The following ARHGEF11 variants were observed in gnomAD, a reference collection of about 807,000 sequenced individuals.
ARHGEF11 encodes Rho guanine nucleotide exchange factor 11, also known as Rho guanine exchange factor (GEF) 11.
A neutral mutation model predicts 193.7 loss-of-function variants in ARHGEF11; 55 were observed. That is an observed-to-expected ratio of 0.28 (90% CI 0.23 to 0.36). ARHGEF11 has a LOEUF of 0.36. Among genes scored for constraint, ARHGEF11 ranks in the 10% least tolerant of loss-of-function variants. The pLI, the probability that ARHGEF11 is intolerant of heterozygous loss-of-function variation, is 1.00. For missense variants in ARHGEF11, 1,723 were observed against 2,005.6 expected (o/e 0.86, Z 2.69); for synonymous variants, 693 against 768.0 (o/e 0.90, Z 1.62).
chr1:156,939,010 C>T, intron 37 of ARHGEF11: 1 of 183,564 alleles, frequency 5.4e-6, no homozygotes, highest in Non-Finnish European at 1.1e-5. Context: ...ACCCGGGGTG[C>T]CCTCCCTGCC....
intron 7 of ARHGEF11, among the ~76,000 whole-genome samples, chr1:156,974,003 A>T (rs575551370): frequency 6.6e-6 from 1 of 152,208 alleles, no homozygotes; most frequent in South Asian, 2.1e-4. Flanking sequence ...ACAAATTCCA[A>T]GCTCCTCATG....
At chr1:156,981,188 T>C (rs1664122375) in intron 3 of ARHGEF11, among the ~76,000 whole-genome samples, 1 of 150,394 alleles carries the variant, frequency 6.6e-6, no homozygotes, top group Non-Finnish European at 1.5e-5. Context: ...CATGCCACCA[T>C]GCCTGGCTAA....
Position 156,956,481 on chromosome 1 carries a change from T to C in ARHGEF11, c.1610A>G (p.Glu537Gly), listed in dbSNP as rs1659970986. 6.2e-7 allele frequency: 1 copy of C among 1,614,046 alleles called. No homozygotes were observed. The highest frequency in any genetic ancestry group is 1.3e-5 in the African/African-American group (1 of 74,912). The part of the protein sequence containing the change: ...LREARPSNTA[E>G]KAQSAPDKDK... ...CTTGTCAGGAGCAGACTGGGCCTTTTCAGCTGTGTTGGAAGGTCGTGCCTC... is the reference window on the plus strand; with the variant it reads ...CTTGTCAGGAGCAGACTGGGCCTTTCCAGCTGTGTTGGAAGGTCGTGCCTC... The change falls in exon 19 of 41, where the codon GAA becomes GGA. Residue 537 changes from glutamate to glycine, a missense_variant. Transcript: ENST00000368194.
At chr1:156,961,333 T>C (rs1355887076) in intron 14 of ARHGEF11, among the ~76,000 whole-genome samples, 1 of 152,198 alleles carries the variant, frequency 6.6e-6, no homozygotes, top group Non-Finnish European at 1.5e-5. Flanking sequence ...GGTCATCTGA[T>C]GTCTCTAGAC....
chr1:156,936,258 G>A, intron 40 of ARHGEF11, 200 bp from the exon 41 acceptor site: 1 of 757,234 alleles, frequency 1.3e-6, no homozygotes. Flanking sequence ...CTTAGGTCAG[G>A]TAGGTATGTG....
At position 156,971,891 on chromosome 1, in the gene ARHGEF11, A is replaced by C. The variant is rs1343162006; in HGVS notation, c.583-75T>G. 4.7e-6 allele frequency: 7 copies of C among 1,502,248 alleles called. No individual in the cohort carries two copies. In the Admixed American group the frequency reaches 1.3e-4, roughly 27 times the overall value. The allele number at this position is 1,502,248 out of a possible 1,614,324, so 93.1% of individuals were successfully genotyped here. A position where few individuals can be genotyped will look rare whatever the true frequency, so the allele number is the denominator to read the frequency against. ...GTTAATAGAGAATGGATGACTCACC[A>C]GTGGGGAGAATAGGCAGTTATCCCA... On this transcript the variant is annotated intron_variant, in intron 7 of 40. Transcript: ENST00000368194.
intron 12 of ARHGEF11, 73 bp from the exon 13 acceptor site, chr1:156,963,377 G>T: frequency 6.6e-7 from 1 of 1,504,114 alleles, no homozygotes; most frequent in Non-Finnish European, 9.2e-7. Flanking sequence ...TAGCTCCCAT[G>T]TGATTCCCCG....
Position 156,992,084 on chromosome 1 carries a change from G to A in ARHGEF11, c.33-5911C>T, listed in dbSNP as rs183343667. Reference sequence around the variant, plus strand: ...GAAAAATCAAAATGAAATTTTAAAAGTATATTCAGAAGTGTACCTATTCTT... The same window carrying A: ...GAAAAATCAAAATGAAATTTTAAAAATATATTCAGAAGTGTACCTATTCTT... On this transcript the variant is annotated intron_variant, in intron 1 of 40. Coordinates refer to ENST00000368194, the MANE Select transcript of ARHGEF11 (RefSeq NM_198236.3). 5.3e-5 allele frequency among the ~76,000 whole-genome samples: 8 copies of A among 152,288 alleles called. No homozygotes were observed. The East Asian group carries it at 1.2e-3, about 22-fold the overall frequency.
Position 157,044,482 on chromosome 1 carries a change from T to C in ARHGEF11, c.-152A>G, listed in dbSNP as rs544875012. The C allele has an allele frequency of 1.3e-5, 9 of 705,844 alleles. No homozygotes were observed. In the African/African-American group the frequency reaches 1.6e-4, roughly 13 times the overall value. 43.7% of individuals were successfully genotyped at this position (705,844 alleles called of 1,614,324 possible). A position where few individuals can be genotyped will look rare whatever the true frequency, so the allele number is the denominator to read the frequency against. On this transcript the variant is annotated 5_prime_UTR_variant, in exon 1 of 41. Transcript: ENST00000368194. ...CTCCAGCTCTCAGGACCCTGGTAAC[T>C]GATGCTCCACTCTACTTCTACCAGT...
intron 1 of ARHGEF11, among the ~76,000 whole-genome samples, chr1:156,986,688 G>A (rs1664970138): frequency 1.3e-5 from 2 of 152,212 alleles, no homozygotes; most frequent in African/African-American, 4.8e-5. Flanking sequence ...TGGCTGTAGT[G>A]GTGGCAGCAG....
chr1:156,941,756 T>C, intron 34 of ARHGEF11, 108 bp downstream of exon 34: 1 of 1,465,838 alleles, frequency 6.8e-7, no homozygotes. Context: ...CCTGCTAGCA[T>C]TTCCCTGTTG....
At chr1:157,035,254 T>C (rs1213807169) in intron 1 of ARHGEF11, among the ~76,000 whole-genome samples, 1 of 152,110 alleles carries the variant, frequency 6.6e-6, no homozygotes, top group African/African-American at 2.4e-5. Flanking sequence ...CTGTCCTTAG[T>C]TGAGAATCAG....
intron 34 of ARHGEF11, 92 bp downstream of exon 34, chr1:156,941,772 G>T: frequency 6.7e-7 from 1 of 1,500,624 alleles, no homozygotes; most frequent in South Asian, 1.3e-5. Context: ...TGTTGTGGCT[G>T]TCTACCCACG....
At chr1:156,984,023 T>C (rs745729934) in intron 3 of ARHGEF11, among the ~76,000 whole-genome samples, 43 of 152,258 alleles carry the variant, frequency 2.8e-4, no homozygotes, top group Non-Finnish European at 4.4e-4. Flanking sequence ...AGGGGGCCTT[T>C]GATTCCTCCA....
intron 40 of ARHGEF11, 154 bp from the exon 41 acceptor site, chr1:156,936,212 G>A (rs1655076697): frequency 3.6e-6 from 3 of 842,588 alleles, no homozygotes; most frequent in South Asian, 2.7e-5. Flanking sequence ...GAAAAGGGCT[G>A]TCTACTGAAC....
intron 1 of ARHGEF11, among the ~76,000 whole-genome samples, chr1:157,007,711 C>T (rs565834032): frequency 1.3e-5 from 2 of 152,278 alleles, no homozygotes; most frequent in East Asian, 1.9e-4. Flanking sequence ...ATTCTCTCTC[C>T]CTTCTTGACA....
At chr1:157,046,748 T>C (rs904995174), upstream of ARHGEF11, among the ~76,000 whole-genome samples, 2 of 152,134 alleles carry the variant, frequency 1.3e-5, no homozygotes, top group African/African-American at 4.8e-5. Context: ...TGTCAGAAGG[T>C]GCCGAGCGTT....
intron 20 of ARHGEF11, among the ~76,000 whole-genome samples, chr1:156,955,341 G>A (rs1659791159): frequency 6.6e-6 from 1 of 152,130 alleles, no homozygotes; most frequent in South Asian, 2.1e-4. Context: ...CTATACTACT[G>A]TAGTCTTGTG....
intron 1 of ARHGEF11, among the ~76,000 whole-genome samples, chr1:156,992,877 C>T (rs2102570182): frequency 6.6e-6 from 1 of 152,300 alleles, no homozygotes; most frequent in South Asian, 2.1e-4. Flanking sequence ...GGTGGCCAAA[C>T]AGGACTGGCT....
Sources: gnomAD v4.1 joint callset for allele counts (sites outside exome capture counted in the v4.1 genomes callset) on GRCh38, gnomAD v4.1.1 for gene constraint, MANE v1.5 for transcripts, NCBI Gene and HGNC (gene_info 2026-07-23, HGNC 2026-07-21) for gene names.